TYRO3: variants seen among roughly 807,000 people sequenced by gnomAD.
The protein encoded by TYRO3 is tyrosine-protein kinase receptor TYRO3.
In TYRO3, 38 loss-of-function variants were observed where a neutral mutation model predicts 95.2. That is an observed-to-expected ratio of 0.40 (90% CI 0.31 to 0.52). The LOEUF (loss-of-function observed/expected upper bound fraction) is 0.52. TYRO3 is among the 20% of genes least tolerant of loss of function. The pLI is 0.56. For missense variants in TYRO3, 812 were observed against 1,116.4 expected, an observed-to-expected ratio of 0.73 and a Z score of 3.89; for synonymous variants, 367 against 432.9, an observed-to-expected ratio of 0.85 and a Z score of 1.89.
Position 41,567,557 on chromosome 15 carries a change from G to A in TYRO3, c.961+20G>A, listed in dbSNP as rs2055739934. On this transcript the variant is annotated intron_variant, in intron 7 of 18. Coordinates refer to ENST00000263798, the MANE Select transcript of TYRO3 (RefSeq NM_006293.4). The stretch of plus-strand genomic sequence containing the variant: ...GTCTAGGTAAGGGATGCATAGAGCA[G>A]AGCGGGTGGGCAGGGCTGGAGCCGG... 1 of 1,445,178 alleles carries A rather than the reference G, an allele frequency of 6.9e-7. No homozygotes were observed. Among genetic ancestry groups the A allele is most frequent in the South Asian group, 1.6e-5 (1 of 61,836 alleles). The allele number at this position is 1,445,178 out of a possible 1,614,324, so 89.5% of individuals were successfully genotyped here. A position where few individuals can be genotyped will look rare whatever the true frequency, so the allele number is the denominator to read the frequency against.
intron 1 of TYRO3, 151 bp from the exon 2 acceptor site, chr15:41,560,976 C>T: frequency 1.1e-6 from 1 of 921,330 alleles, no homozygotes; most frequent in Non-Finnish European, 1.7e-6. Flanking sequence ...AGCGACCTTC[C>T]CTTCCACACT....
chr15:41,562,829 C>A (rs1232295583), intron 4 of TYRO3, 111 bp downstream of exon 4: 5 of 1,145,796 alleles, frequency 4.4e-6, no homozygotes, highest in Non-Finnish European at 6.1e-6. Context: ...CCAGAGCAAG[C>A]CCCAGTGTCT....
chr15:41,564,976 G>T, intron 5 of TYRO3, 50 bp from the exon 6 acceptor site: 1 of 1,278,846 alleles, frequency 7.8e-7, no homozygotes, highest in Non-Finnish European at 1.1e-6. Context: ...GCCTCCTGCT[G>T]CCTCTGCTCA....
intron 18 of TYRO3, among the ~76,000 whole-genome samples, chr15:41,574,258 C>G (rs1395231172): frequency 1.3e-5 from 2 of 152,174 alleles, no homozygotes; most frequent in African/African-American, 2.4e-5. Flanking sequence ...AGGCTGAGCT[C>G]TCTTGGGAAT....
chr15:41,578,355 C>A lies in TYRO3; in HGVS notation c.*79C>A. The A allele has an allele frequency of 6.4e-7, 1 of 1,551,714 alleles. No individual in the cohort carries two copies. Among genetic ancestry groups the A allele is most frequent in the East Asian group, 2.3e-5 (1 of 43,782 alleles). The stretch of plus-strand genomic sequence containing the variant: ...TGGCTGACTAAGCCCCGTCTGACCC[C>A]AGCCCAGACAGCAAGGTGTGGAGGC... On this transcript the variant is annotated 3_prime_UTR_variant, in exon 19 of 19. Transcript: ENST00000263798.
At position 41,582,558 on chromosome 15, in the gene TYRO3, T is replaced by C. The variant is rs1484792909; in HGVS notation, c.*4282T>C. ...TTAGCTGGGCGTGCTGGTGGGTGCC[T>C]GTAATCCCAGCTACTTGGGAGGCTG... On this transcript the variant is annotated 3_prime_UTR_variant, in exon 19 of 19. Coordinates refer to ENST00000263798, the MANE Select transcript of TYRO3 (RefSeq NM_006293.4). 1.3e-5 allele frequency: 2 copies of C among 151,460 alleles called. No individual in the cohort carries two copies. The highest frequency in any genetic ancestry group is 2.9e-5 in the Non-Finnish European group (2 of 67,942). 9.4% of individuals were successfully genotyped at this position (151,460 alleles called of 1,614,324 possible).
rs2055934492 is a variant in TYRO3 at position 41,582,762 on chromosome 15, A to C, written c.*4486A>C. Reference sequence around the variant, plus strand: ...CAAATTTATTGTTGAATAAGAAGTGATACAGAGATTCAAAGTTATTTTTCC... The same window carrying C: ...CAAATTTATTGTTGAATAAGAAGTGCTACAGAGATTCAAAGTTATTTTTCC... On this transcript the variant is annotated 3_prime_UTR_variant, in exon 19 of 19. Transcript: ENST00000263798. 6.6e-6 allele frequency: 1 copy of C among 152,146 alleles called. No individual in the cohort carries two copies. Among genetic ancestry groups the C allele is most frequent in the South Asian group, 2.1e-4 (1 of 4,834 alleles). 9.4% of individuals were successfully genotyped at this position (152,146 alleles called of 1,614,324 possible). A position where few individuals can be genotyped will look rare whatever the true frequency, so the allele number is the denominator to read the frequency against.
rs1555397468 is a variant in TYRO3 at position 41,582,997 on chromosome 15, G to GTTGTTTTTTTTTT, written c.*4723_*4724insGTTTTTTTTTTTT. On this transcript the variant is annotated 3_prime_UTR_variant, in exon 19 of 19. Transcript: ENST00000263798. ...CACTGCACCTGGCAAATTTTTAAGT[G>GTTGTTTTTTTTTT]TTTTTTTTTTTTTTTAATACAGAGC... 3.8e-5 allele frequency: 4 copies of GTTGTTTTTTTTTT among 106,144 alleles called. No individual in the cohort carries two copies. In the East Asian group the frequency reaches 1.1e-3, roughly 28 times the overall value. 6.6% of individuals were successfully genotyped at this position (106,144 alleles called of 1,614,324 possible).
At chr15:41,577,737 C>A in intron 18 of TYRO3, 149 bp from the exon 19 acceptor site, 1 of 753,226 alleles carries the variant, frequency 1.3e-6, no homozygotes, top group Non-Finnish European at 2.1e-6. Flanking sequence ...TACCCCCCTT[C>A]GGCCTCCCAA....
intron 13 of TYRO3, among the ~76,000 whole-genome samples, chr15:41,571,391 A>T (rs2055793831): frequency 6.6e-6 from 1 of 152,182 alleles, no homozygotes; most frequent in African/African-American, 2.4e-5. Flanking sequence ...TGGGCTGCCC[A>T]AACCAAAGGG....
At chr15:41,564,460 A>G (rs1204490957) in intron 5 of TYRO3, among the ~76,000 whole-genome samples, 190 bp downstream of exon 5, 2 of 152,170 alleles carry the variant, frequency 1.3e-5, no homozygotes, top group East Asian at 3.9e-4. Context: ...TGAGATGAGA[A>G]TAGAATCCTG....
chr15:41,577,774 C>A (rs2055878162), intron 18 of TYRO3, 112 bp from the exon 19 acceptor site: 13 of 1,148,038 alleles, frequency 1.1e-5, no homozygotes, highest in Admixed American at 2.4e-5. Flanking sequence ...ATGCGAGCCG[C>A]TGTGCCCCAC....
intron 6 of TYRO3, among the ~76,000 whole-genome samples, chr15:41,565,552 T>A (rs1016830397): frequency 7.3e-5 from 11 of 151,442 alleles, no homozygotes; most frequent in African/African-American, 2.7e-4. Flanking sequence ...AGGATTAGGA[T>A]TACAGTCATG....
At position 41,565,121 on chromosome 15, in the gene TYRO3, C is replaced by T; in HGVS notation, c.763C>T (p.Leu255=). 6 of 1,612,446 alleles carry T rather than the reference C, an allele frequency of 3.7e-6. No homozygotes were observed. The South Asian group carries it at 6.6e-5, about 18-fold the overall frequency. The change falls in exon 6 of 19, where the codon CTA becomes TTA. Residue 255 remains leucine, a synonymous_variant. Coordinates refer to ENST00000263798, the MANE Select transcript of TYRO3 (RefSeq NM_006293.4). The part of the protein sequence containing the change: ...WMPGADGRAL[L]QSCTVQVTQA... ...GCCAGGTGCTGATGGCCGAGCTCTG[C>T]TACAGTCCTGTACAGTTCAGGTAGG...
At chr15:41,574,339 C>CG (rs2055837237) in intron 18 of TYRO3, among the ~76,000 whole-genome samples, 1 of 152,042 alleles carries the variant, frequency 6.6e-6, no homozygotes. Context: ...CCAAAGCCCT[C>CG]GGGACTGGGC....
chr15:41,560,432 C>CGCGT (rs1308666039), intron 1 of TYRO3, among the ~76,000 whole-genome samples: 2 of 116,972 alleles, frequency 1.7e-5, no homozygotes, highest in Admixed American at 8.2e-5. Flanking sequence ...TGTGTGTGCG[C>CGCGT]GCGCGCGCGC....
chr15:41,560,255 C>A (rs1486539256), intron 1 of TYRO3, among the ~76,000 whole-genome samples: 1 of 152,190 alleles, frequency 6.6e-6, no homozygotes, highest in Non-Finnish European at 1.5e-5. Flanking sequence ...GGACCTGATG[C>A]TCAGGGAGCC....
Position 41,561,359 on chromosome 15 carries a change from A to G in TYRO3, c.308+49A>G, listed in dbSNP as rs768355253. 5.6e-6 allele frequency: 8 copies of G among 1,440,144 alleles called. No individual in the cohort carries two copies. In the African/African-American group the frequency reaches 5.9e-5, roughly 11 times the overall value. The allele number at this position is 1,440,144 out of a possible 1,614,324, so 89.2% of individuals were successfully genotyped here. On this transcript the variant is annotated intron_variant, in intron 2 of 18. Transcript: ENST00000263798. The stretch of plus-strand genomic sequence containing the variant: ...TGGGCTGCCAGCCAGGGGGCAGGCT[A>G]TGCTCTTTCCTTGGGGATTGGGAGC...
intron 12 of TYRO3, 117 bp downstream of exon 12, chr15:41,570,816 T>C: frequency 3.0e-6 from 3 of 1,013,374 alleles, no homozygotes; most frequent in Non-Finnish European, 4.6e-6. Flanking sequence ...AAGATATGCT[T>C]GTAGACTCCT....
Sources: allele counts gnomAD v4.1 joint callset (sites outside exome capture counted in the v4.1 genomes callset), GRCh38; gene constraint gnomAD v4.1.1; transcripts MANE v1.5; gene names NCBI Gene and HGNC (gene_info 2026-07-23, HGNC 2026-07-21).